Variants in CYTH4 observed in about 807,000 individuals in gnomAD.
CYTH4 encodes the protein cytohesin-4.
A neutral mutation model predicts 57.5 loss-of-function variants in CYTH4; 22 were observed. The ratio of observed to expected loss-of-function variants is 0.38; its 90% confidence interval spans 0.27 to 0.55. The LOEUF (loss-of-function observed/expected upper bound fraction) is 0.55. CYTH4 is among the 20% of genes least tolerant of loss of function. The pLI, the probability that CYTH4 is intolerant of heterozygous loss-of-function variation, is 0.74. For missense variants in CYTH4, 420 were observed against 535.6 expected (o/e 0.78, Z 2.13); for synonymous variants, 186 against 206.5 (o/e 0.90, Z 0.85).
chr22:37,312,010 C>T lies in CYTH4; in HGVS notation c.958-10C>T. The T allele has an allele frequency of 6.2e-7, 1 of 1,609,506 alleles. No individual in the cohort carries two copies. The highest frequency in any genetic ancestry group is 8.5e-7 in the Non-Finnish European group (1 of 1,176,582). ...TCTCTTCCCACCCTTGCCTGGCCAC[C>T]TCCCCACAGTTCTGCCTGGAGCTCT... On this transcript the variant is annotated splice_polypyrimidine_tract_variant and intron_variant, in intron 11 of 12. Coordinates refer to ENST00000248901, the MANE Select transcript of CYTH4 (RefSeq NM_013385.5).
chr22:37,289,132 T>G (rs1240118794), intron 1 of CYTH4, among the ~76,000 whole-genome samples: 1 of 152,192 alleles, frequency 6.6e-6, no homozygotes, highest in African/African-American at 2.4e-5. Context: ...GGAGAAAAGA[T>G]GGGCTCAGCA....
At chr22:37,285,821 T>C (rs976905306) in intron 1 of CYTH4, among the ~76,000 whole-genome samples, 3 of 152,206 alleles carry the variant, frequency 2.0e-5, no homozygotes, top group African/African-American at 7.2e-5. Context: ...GAAGGGTCAG[T>C]AGGCTCCGTG....
rs1308789138 is a variant in CYTH4 at position 37,300,482 on chromosome 22, C to T, written c.435-425C>T. Among the ~76,000 whole-genome samples the T allele has an allele frequency of 3.9e-5, 6 of 152,174 alleles. No individual in the cohort carries two copies. In the East Asian group the frequency reaches 7.7e-4, roughly 20 times the overall value. ...CCAACTTCCAGAGCTAGAGGGAAGT[C>T]GAGGTTCCAAGAAAGGGAGCCCTAG... On this transcript the variant is annotated intron_variant, in intron 6 of 12. Transcript: ENST00000248901.
intron 9 of CYTH4, among the ~76,000 whole-genome samples, chr22:37,309,710 G>A (rs1272198034): frequency 6.6e-6 from 1 of 152,220 alleles, no homozygotes; most frequent in Non-Finnish European, 1.5e-5. Flanking sequence ...CCACCCTACA[G>A]CCGAACAGTA....
At chr22:37,288,410 CA>C (rs201319140) in intron 1 of CYTH4, among the ~76,000 whole-genome samples, 2,214 of 151,176 alleles carry the variant, frequency 0.015, 56 homozygotes, top group African/African-American at 0.051. Context: ...GACTCTGTCT[CA>C]AAAAAATAAA....
chr22:37,303,360 C>T lies in CYTH4; in HGVS notation c.654C>T (p.Arg218=), dbSNP rs184409484. ...TTGAGCGCTTTGTGTCCATGAACCGCGGCATCAACAATGGTAGCGACCTGC... is the reference window on the plus strand; with the variant it reads ...TTGAGCGCTTTGTGTCCATGAACCGTGGCATCAACAATGGTAGCGACCTGC... ...PPFERFVSMN[R]GINNGSDLPE... Residue 218 remains arginine (R), a synonymous_variant, in exon 8 of 13, where the codon CGC becomes CGT. Coordinates refer to ENST00000248901, the MANE Select transcript of CYTH4 (RefSeq NM_013385.5). 27 of 1,614,132 alleles carry T rather than the reference C, an allele frequency of 1.7e-5. No homozygotes were observed. The East Asian group carries it at 1.8e-4, about 11-fold the overall frequency.
chr22:37,289,195 C>G (rs1332883181), intron 1 of CYTH4, among the ~76,000 whole-genome samples: 1 of 152,222 alleles, frequency 6.6e-6, no homozygotes, highest in Non-Finnish European at 1.5e-5. Context: ...GGTCATCCAC[C>G]TGCCTCTTCT....
chr22:37,290,189 A>C (rs535785134), intron 1 of CYTH4, among the ~76,000 whole-genome samples: 167 of 152,148 alleles, frequency 1.1e-3, no homozygotes, highest in Non-Finnish European at 1.7e-3. Context: ...TTCATTTACC[A>C]CCTGGTCTCT....
In CYTH4 at chr22:37,313,913, CCT is replaced by C. The variant is rs1929748464; in HGVS notation, c.*403_*404del. 4.1e-6 allele frequency: 1 copy of C among 244,868 alleles called. No homozygotes were observed. Among genetic ancestry groups the C allele is most frequent in the Non-Finnish European group, 7.9e-6 (1 of 126,204 alleles). 15.2% of individuals were successfully genotyped at this position (244,868 alleles called of 1,614,324 possible). ...TCAACGTAGGAGGGGCCGTGGGGTCCCTAAGTGATTCTTCTCCCTGGCAAGGC... is the reference window on the plus strand; with the variant it reads ...TCAACGTAGGAGGGGCCGTGGGGTCCAAGTGATTCTTCTCCCTGGCAAGGC... On this transcript the variant is annotated 3_prime_UTR_variant, in exon 13 of 13. Coordinates refer to ENST00000248901, the MANE Select transcript of CYTH4 (RefSeq NM_013385.5).
rs796987868 is a variant in CYTH4, at chr22:37,309,092, G to A, written c.697-120G>A. ...AGCCCAGGGACCACGATAAACAGGT[G>A]AGGAAAGAGTATGCCTGCAGGTGAG... On this transcript the variant is annotated intron_variant, in intron 8 of 12. Coordinates refer to ENST00000248901, the MANE Select transcript of CYTH4 (RefSeq NM_013385.5). 5.0e-5 allele frequency: 37 copies of A among 745,736 alleles called. No individual in the cohort carries two copies. The African/African-American group carries it at 6.0e-4, about 12-fold the overall frequency. 46.2% of individuals were successfully genotyped at this position (745,736 alleles called of 1,614,324 possible).
intron 7 of CYTH4, chr22:37,301,771 C>T (rs1291846404): frequency 7.1e-6 from 1 of 141,222 alleles, no homozygotes; most frequent in Non-Finnish European, 1.5e-5. Context: ...GATCTCAGCT[C>T]ACTGCAACCT....
At chr22:37,283,173 T>G (rs375559026) in intron 1 of CYTH4, among the ~76,000 whole-genome samples, 2 of 129,042 alleles carry the variant, frequency 1.5e-5, no homozygotes, top group Admixed American at 1.5e-4. Flanking sequence ...TTGGGGAGGC[T>G]GAGGACGCTG....
intron 8 of CYTH4, among the ~76,000 whole-genome samples, chr22:37,308,724 G>A (rs1233553347): frequency 1.3e-5 from 2 of 151,894 alleles, no homozygotes; most frequent in African/African-American, 4.8e-5. Flanking sequence ...GTGTGTGCGT[G>A]TATGTATGAG....
intron 8 of CYTH4, among the ~76,000 whole-genome samples, chr22:37,308,386 T>C (rs1419795038): frequency 1.3e-5 from 2 of 151,852 alleles, no homozygotes; most frequent in African/African-American, 2.4e-5. Context: ...TGCATGTATA[T>C]TGTCAGTGTG....
rs749430796 is a variant in CYTH4, at chr22:37,313,483, GGAA to G, written c.1166_1168del (p.Lys389del). 15 of 1,614,040 alleles carry G rather than the reference GGAA, an allele frequency of 9.3e-6. No individual in the cohort carries two copies. The highest frequency in any genetic ancestry group is 2.7e-5 in the African/African-American group (2 of 74,924). On this transcript the variant is annotated inframe_deletion, in exon 13 of 13. Coordinates refer to ENST00000248901, the MANE Select transcript of CYTH4 (RefSeq NM_013385.5). ...CCCTTCTACGACCTGGTCTCTACTC[GGAA>G]GAAGAAGATTGCCAGCAAGCAGTGA... is the stretch of plus-strand genomic sequence containing the variant.
In CYTH4 at chr22:37,309,259, C is replaced by T. The variant is rs1001643471; in HGVS notation, c.744C>T (p.Asp248=). ...IKSEPFSIPE[D]DGNDLTHTFF... ...GTGAGCCATTCTCCATCCCTGAGGA[C>T]GACGGCAATGACCTCACTCACACCT... The change falls in exon 9 of 13, where the codon GAC becomes GAT. Residue 248 remains aspartate (D), a synonymous_variant. Coordinates refer to ENST00000248901, the MANE Select transcript of CYTH4 (RefSeq NM_013385.5). The T allele has an allele frequency of 1.1e-5, 18 of 1,614,028 alleles. No individual in the cohort carries two copies. The highest frequency in any genetic ancestry group is 4.0e-5 in the African/African-American group (3 of 74,918).
intron 9 of CYTH4, 73 bp from the exon 10 acceptor site, chr22:37,310,915 C>CT (rs1423888258): frequency 5.2e-6 from 8 of 1,537,968 alleles, no homozygotes; most frequent in African/African-American, 1.4e-5. Flanking sequence ...ATCCGAGGAC[C>CT]TGCCCTTCCC....
intron 7 of CYTH4, among the ~76,000 whole-genome samples, chr22:37,301,570 G>A (rs1929183825): frequency 6.6e-6 from 1 of 151,712 alleles, no homozygotes; most frequent in African/African-American, 2.4e-5. Flanking sequence ...GGTGGGCGAG[G>A]GACCATCCTG....
At chr22:37,297,381 G>T (rs886473269) in intron 4 of CYTH4, among the ~76,000 whole-genome samples, 183 bp from the exon 5 acceptor site, 3 of 152,094 alleles carry the variant, frequency 2.0e-5, no homozygotes, top group African/African-American at 7.2e-5. Flanking sequence ...CCAGTGATGG[G>T]GAACTCATCA....
Sources: allele counts gnomAD v4.1 joint callset (sites outside exome capture counted in the v4.1 genomes callset), GRCh38; gene constraint gnomAD v4.1.1; transcripts MANE v1.5; gene names NCBI Gene and HGNC (gene_info 2026-07-23, HGNC 2026-07-21).